STK33: variants seen among roughly 807,000 people sequenced by gnomAD.
The protein encoded by STK33 is serine/threonine-protein kinase 33.
STK33 carries 52 observed loss-of-function variants against 58.0 expected under a neutral mutation model. The ratio of observed to expected loss-of-function variants is 0.90; its 90% CI spans 0.72 to 1.13. The LOEUF (loss-of-function observed/expected upper bound fraction) is 1.13. Ranked by LOEUF, STK33 falls within the 50% of genes most tolerant of loss-of-function variation. The probability of loss-of-function intolerance (pLI) is 0.00; values close to 1 mark genes in which losing one functional copy is unlikely to be tolerated. For synonymous variants in STK33, 215 were observed against 200.1 expected (o/e 1.07, Z -0.63); for missense variants, 630 against 604.2 (o/e 1.04, Z -0.45).
intron 1 of STK33, among the ~76,000 whole-genome samples, chr11:8,564,478 A>C (rs1446162225): frequency 6.6e-6 from 1 of 152,202 alleles, no homozygotes; most frequent in Non-Finnish European, 1.5e-5. Context: ...TTTTGTCAAA[A>C]TAAATCAAAG....
chr11:8,547,410 C>T (rs1591733693), intron 1 of STK33, among the ~76,000 whole-genome samples: 1 of 152,244 alleles, frequency 6.6e-6, no homozygotes, highest in East Asian at 1.9e-4. Flanking sequence ...GATGAGGTTT[C>T]ACCATGTTGA....
chr11:8,532,399 G>C (rs1345317715), intron 1 of STK33, among the ~76,000 whole-genome samples: 1 of 152,216 alleles, frequency 6.6e-6, no homozygotes, highest in Non-Finnish European at 1.5e-5. Context: ...GGTTGAGTAG[G>C]TATGACAGAG....
At chr11:8,564,865 T>G (rs943113530) in intron 1 of STK33, among the ~76,000 whole-genome samples, 2 of 152,194 alleles carry the variant, frequency 1.3e-5, no homozygotes, top group Admixed American at 6.5e-5. Context: ...CATTCTGTCC[T>G]CATCCCTTCA....
At chr11:8,571,892 A>AATT in intron 1 of STK33, among the ~76,000 whole-genome samples, 1 of 150,100 alleles carries the variant, frequency 6.7e-6, no homozygotes, top group Middle Eastern at 3.5e-3. Flanking sequence ...TAAAAAAAAA[A>AATT]TTTTAAAAAA....
the STK33 span, among the ~76,000 whole-genome samples, chr11:8,339,478 C>G: frequency 6.6e-6 from 1 of 152,252 alleles, no homozygotes; most frequent in Non-Finnish European, 1.5e-5. Flanking sequence ...AAACTTGGCT[C>G]TAGCCAGCAG....
the STK33 span, among the ~76,000 whole-genome samples, chr11:8,365,591 C>A: frequency 2.0e-5 from 3 of 152,282 alleles, no homozygotes; most frequent in African/African-American, 7.2e-5. Flanking sequence ...GAGTCTGAAT[C>A]CTATTCCTTG....
intron 14 of STK33, among the ~76,000 whole-genome samples, chr11:8,414,009 C>G (rs967147603): frequency 6.6e-6 from 1 of 152,112 alleles, no homozygotes; most frequent in Non-Finnish European, 1.5e-5. Context: ...ACCCCTATAG[C>G]GCTGTTCTTA....
At chr11:8,358,771 T>G in the STK33 span, among the ~76,000 whole-genome samples, 1 of 152,198 alleles carries the variant, frequency 6.6e-6, no homozygotes, top group African/African-American at 2.4e-5. Context: ...GAATCCATAC[T>G]GACATAAATG....
At chr11:8,364,265 G>A in the STK33 span, among the ~76,000 whole-genome samples, 13 of 152,164 alleles carry the variant, frequency 8.5e-5, no homozygotes, top group African/African-American at 1.2e-4. Context: ...CTCCATTTAC[G>A]TTGGAGTCGA....
intron 1 of STK33, among the ~76,000 whole-genome samples, chr11:8,534,568 C>CTCTCTCTG (rs1402710450): frequency 9.6e-6 from 1 of 104,694 alleles, no homozygotes; most frequent in African/African-American, 4.1e-5. Flanking sequence ...CTCTCTCTCT[C>CTCTCTCTG]TGTGTGTGTG....
At chr11:8,500,736 G>GA (rs1329132687) in intron 1 of STK33, among the ~76,000 whole-genome samples, 1 of 152,022 alleles carries the variant, frequency 6.6e-6, no homozygotes, top group Non-Finnish European at 1.5e-5. Flanking sequence ...AAACAATCTT[G>GA]AAAAAGAACA....
intron 11 of STK33, among the ~76,000 whole-genome samples, chr11:8,451,182 A>C (rs1262210159): frequency 1.3e-5 from 2 of 152,222 alleles, no homozygotes; most frequent in African/African-American, 4.8e-5. Context: ...ATAAAAAATT[A>C]AACATAAACT....
chr11:8,369,403 G>A, the STK33 span, among the ~76,000 whole-genome samples: 150 of 152,052 alleles, frequency 9.9e-4, no homozygotes, highest in African/African-American at 3.3e-3. Flanking sequence ...CAGGGGCAGT[G>A]GGAGGGGCTG....
At chr11:8,564,515 G>A (rs1957322706) in intron 1 of STK33, among the ~76,000 whole-genome samples, 1 of 152,128 alleles carries the variant, frequency 6.6e-6, no homozygotes, top group African/African-American at 2.4e-5. Context: ...AAAAGATATA[G>A]AAAGAGAACT....
At chr11:8,568,528 A>G (rs1191563829) in intron 1 of STK33, among the ~76,000 whole-genome samples, 6 of 152,304 alleles carry the variant, frequency 3.9e-5, no homozygotes, top group Non-Finnish European at 7.4e-5. Flanking sequence ...AAAGTCATCA[A>G]TAAGTGTGGT....
At chr11:8,439,503 T>C (rs1447897337) in intron 12 of STK33, among the ~76,000 whole-genome samples, 3 of 151,982 alleles carry the variant, frequency 2.0e-5, no homozygotes, top group Admixed American at 6.6e-5. Context: ...ATATACCTAA[T>C]AAATGTAGGA....
chr11:8,432,990 A>G (rs1027383404), intron 14 of STK33, among the ~76,000 whole-genome samples: 2 of 152,246 alleles, frequency 1.3e-5, no homozygotes, highest in African/African-American at 4.8e-5. Flanking sequence ...TAATTAGAAA[A>G]CAAATAATTA....
the STK33 span, among the ~76,000 whole-genome samples, chr11:8,346,308 G>C: frequency 6.6e-6 from 1 of 152,232 alleles, no homozygotes; most frequent in Non-Finnish European, 1.5e-5. Flanking sequence ...GTGACCCTGC[G>C]GGGTGGGAGA....
chr11:8,381,790 G>A, the STK33 span, among the ~76,000 whole-genome samples: 3 of 152,130 alleles, frequency 2.0e-5, no homozygotes, highest in Non-Finnish European at 4.4e-5. Flanking sequence ...AACTTTAGGT[G>A]AGTGTGGTCT....
Sources: gnomAD v4.1 joint callset for allele counts (sites outside exome capture counted in the v4.1 genomes callset) on GRCh38, gnomAD v4.1.1 for gene constraint, MANE v1.5 for transcripts, NCBI Gene and HGNC (gene_info 2026-07-23, HGNC 2026-07-21) for gene names.